The following PCDHA8 variants were observed in gnomAD, a reference collection of about 807,000 sequenced individuals.
PCDHA8 encodes protocadherin alpha 8.
Under a neutral mutation model 61.8 loss-of-function variants are expected in PCDHA8, and 53 were observed. The ratio of observed to expected loss-of-function variants is 0.86; its 90% confidence interval spans 0.69 to 1.08. The LOEUF (loss-of-function observed/expected upper bound fraction) is 1.08. Among genes scored for constraint, PCDHA8 ranks in the 50% least tolerant of loss-of-function variants. The pLI is 0.00. For synonymous variants in PCDHA8, 618 were observed against 556.6 expected (o/e 1.11, Z -1.55); for missense variants, 1,293 against 1,245.0 (o/e 1.04, Z -0.58).
intron 1 of PCDHA8, chr5:140,876,935 C>T (rs1554169119): frequency 6.2e-7 from 1 of 1,613,746 alleles, no homozygotes; most frequent in Non-Finnish European, 8.5e-7. Context: ...CAGAAGAACG[C>T]GCTGGTGTCC....
At chr5:140,860,741 A>ATT (rs1466220052) in intron 1 of PCDHA8, 6 of 152,018 alleles carry the variant, frequency 3.9e-5, no homozygotes, top group African/African-American at 1.4e-4. Context: ...TTTGTTTTTT[A>ATT]TTTTTTATTT....
At chr5:140,928,276 G>T in intron 1 of PCDHA8, 1 of 1,614,172 alleles carries the variant, frequency 6.2e-7, no homozygotes, top group Non-Finnish European at 8.5e-7. Context: ...TGGCCCTGGG[G>T]CCTCTCTAGG....
intron 3 of PCDHA8, among the ~76,000 whole-genome samples, chr5:140,996,100 G>A (rs1554255000): frequency 1.3e-5 from 2 of 152,190 alleles, no homozygotes; most frequent in Non-Finnish European, 2.9e-5. Flanking sequence ...TACATGGAAT[G>A]GTATGGAAGT....
At chr5:140,845,952 T>C (rs1262858595) in intron 1 of PCDHA8, among the ~76,000 whole-genome samples, 2 of 149,750 alleles carry the variant, frequency 1.3e-5, no homozygotes, top group Non-Finnish European at 3.0e-5. Context: ...AGTCATTTTT[T>C]AGATTAACCT....
At chr5:140,941,570 C>T (rs892912533) in intron 1 of PCDHA8, among the ~76,000 whole-genome samples, 17 of 152,046 alleles carry the variant, frequency 1.1e-4, no homozygotes, top group African/African-American at 4.1e-4. Context: ...TCGCCTCAGC[C>T]TCCCAAAGTG....
intron 1 of PCDHA8, chr5:140,883,880 C>A: frequency 6.2e-7 from 1 of 1,613,304 alleles, no homozygotes. Context: ...GGTGAGCGCG[C>A]GCGACTCTGG....
chr5:140,929,065 C>G, intron 1 of PCDHA8: 1 of 1,614,194 alleles, frequency 6.2e-7, no homozygotes. Context: ...TACAGAGGAT[C>G]TGAGGTATGG....
At chr5:140,937,824 A>C (rs1229119616) in intron 1 of PCDHA8, among the ~76,000 whole-genome samples, 1 of 151,696 alleles carries the variant, frequency 6.6e-6, no homozygotes, top group African/African-American at 2.4e-5. Flanking sequence ...AGGCAGGAGA[A>C]TGGCATGAAC....
chr5:140,902,703 T>C (rs1451324920), intron 1 of PCDHA8, among the ~76,000 whole-genome samples: 1 of 152,166 alleles, frequency 6.6e-6, no homozygotes, highest in African/African-American at 2.4e-5. Flanking sequence ...GTCTTTTATC[T>C]TTCACTCCCC....
At chr5:140,862,635 C>G in intron 1 of PCDHA8, 1 of 538,778 alleles carries the variant, frequency 1.9e-6, no homozygotes, top group Non-Finnish European at 3.8e-6. Context: ...GCTGCCACGA[C>G]TTCACAGTGT....
intron 1 of PCDHA8, chr5:140,928,108 G>C: frequency 6.2e-7 from 1 of 1,614,190 alleles, no homozygotes; most frequent in Non-Finnish European, 8.5e-7. Flanking sequence ...CCTGGACCGG[G>C]AGCAGATCAG....
chr5:140,962,329 T>A (rs1341757607), intron 1 of PCDHA8, among the ~76,000 whole-genome samples: 1 of 152,250 alleles, frequency 6.6e-6, no homozygotes, highest in Non-Finnish European at 1.5e-5. Context: ...TTGAGAATAC[T>A]GATAAAGAAG....
intron 3 of PCDHA8, among the ~76,000 whole-genome samples, chr5:141,001,281 A>T (rs1239906088): frequency 6.6e-6 from 1 of 152,168 alleles, no homozygotes; most frequent in African/African-American, 2.4e-5. Context: ...TTTTTTACGG[A>T]TGAAAACTGA....
chr5:140,851,612 A>G, intron 1 of PCDHA8: 1 of 921,118 alleles, frequency 1.1e-6, no homozygotes, highest in Non-Finnish European at 1.3e-6. Context: ...GAAATTGGAG[A>G]AAATGCTTTT....
intron 1 of PCDHA8, among the ~76,000 whole-genome samples, chr5:140,965,785 T>C (rs1315730975): frequency 1.3e-5 from 2 of 152,222 alleles, no homozygotes; most frequent in East Asian, 3.8e-4. Context: ...GCCTACAGCT[T>C]CATGGAGACT....
rs2150335893 is a variant in PCDHA8, at chr5:140,842,429, G to A, written c.1108G>A (p.Ala370Thr). Residue 370 changes from alanine (A) to threonine (T), a missense_variant, in exon 1 of 4, where the codon GCC becomes ACC. Ala to Thr is a moderately conservative substitution (Grantham distance 58, BLOSUM62 0). Coordinates refer to ENST00000531613, the MANE Select transcript of PCDHA8 (RefSeq NM_018911.3). ...REDAQFGTVIALISVNDLDSG... is the reference protein window; with the variant it reads ...REDAQFGTVITLISVNDLDSG... Reference sequence around the variant, plus strand: ...AGACGCTCAATTTGGTACTGTCATCGCCCTAATTAGCGTGAACGACCTCGA... The same window carrying A: ...AGACGCTCAATTTGGTACTGTCATCACCCTAATTAGCGTGAACGACCTCGA... 1.9e-6 allele frequency: 3 copies of A among 1,613,436 alleles called. No individual in the cohort carries two copies. The highest frequency in any genetic ancestry group is 1.7e-6 in the Non-Finnish European group (2 of 1,179,632).
chr5:141,000,387 C>CTA (rs2097910380), intron 3 of PCDHA8, among the ~76,000 whole-genome samples: 5 of 66,898 alleles, frequency 7.5e-5, no homozygotes, highest in Non-Finnish European at 1.1e-4. Context: ...CTCTCTCTCT[C>CTA]TCTCTCTCTA....
intron 1 of PCDHA8, among the ~76,000 whole-genome samples, chr5:140,976,680 C>T (rs2096726528): frequency 6.6e-6 from 1 of 152,146 alleles, no homozygotes; most frequent in African/African-American, 2.4e-5. Context: ...CTCATTTTTG[C>T]AATTTAAGTA....
At chr5:140,903,800 A>T (rs2070614237) in intron 1 of PCDHA8, among the ~76,000 whole-genome samples, 1 of 152,178 alleles carries the variant, frequency 6.6e-6, no homozygotes, top group African/African-American at 2.4e-5. Context: ...GTTGTAATTG[A>T]CAAGTATAGT....
Sources: allele counts gnomAD v4.1 joint callset (sites outside exome capture counted in the v4.1 genomes callset), GRCh38; gene constraint gnomAD v4.1.1; transcripts MANE v1.5; gene names NCBI Gene and HGNC (gene_info 2026-07-23, HGNC 2026-07-21).